The following ITFG2 variants were observed in gnomAD, a reference collection of about 807,000 sequenced individuals.
ITFG2 encodes the protein KICSTOR complex protein ITFG2.
ITFG2 carries 36 observed loss-of-function variants against 54.4 expected under a neutral mutation model. That is an observed-to-expected ratio of 0.66 (90% CI 0.51 to 0.87). ITFG2 has a LOEUF of 0.87. ITFG2 is among the 40% of genes least tolerant of loss of function. The pLI, the probability that ITFG2 is intolerant of heterozygous loss-of-function variation, is 0.00. For synonymous variants in ITFG2, 211 were observed against 225.4 expected, an observed-to-expected ratio of 0.94 and a Z score of 0.57; for missense variants, 524 against 576.7, an observed-to-expected ratio of 0.91 and a Z score of 0.94.
chr12:2,822,013 T>C (rs1040234008), intron 9 of ITFG2, among the ~76,000 whole-genome samples: 2 of 151,692 alleles, frequency 1.3e-5, no homozygotes, highest in African/African-American at 4.8e-5. Flanking sequence ...ACTGCAACCT[T>C]TTCTGCTAGA....
Position 2,854,795 on chromosome 12 carries a change from G to C in ITFG2, n.301-3217G>C, listed in dbSNP as rs940629208. 3 of 1,234,378 alleles carry C rather than the reference G, an allele frequency of 2.4e-6. No individual in the cohort carries two copies. The Admixed American group carries it at 8.2e-5, about 34-fold the overall frequency. 76.5% of individuals were successfully genotyped at this position (1,234,378 alleles called of 1,614,324 possible). A position where few individuals can be genotyped will look rare whatever the true frequency, so the allele number is the denominator to read the frequency against. On this transcript the variant is annotated intron_variant and non_coding_transcript_variant, in intron 2 of 3. Transcript: ENST00000537710. ...AGTTTGGTTTTCAGATGGCCAGAGC[G>C]GGGAAGGACAGAGTCCCGGTTAGAA...
chr12:2,859,524 T>G, intron 3 of ITFG2: 1 of 1,614,022 alleles, frequency 6.2e-7, no homozygotes, highest in Non-Finnish European at 8.5e-7. Context: ...GTGTGGCATT[T>G]CCTCCCCAGG....
At chr12:2,856,578 G>T (rs1260677651) in intron 2 of ITFG2, among the ~76,000 whole-genome samples, 8 of 152,194 alleles carry the variant, frequency 5.3e-5, no homozygotes, top group Non-Finnish European at 1.2e-4. Flanking sequence ...GGCCAAGCTG[G>T]TCTCAAACTC....
chr12:2,853,861 G>A (rs2098079136), intron 2 of ITFG2, among the ~76,000 whole-genome samples: 1 of 152,098 alleles, frequency 6.6e-6, no homozygotes, highest in Non-Finnish European at 1.5e-5. Flanking sequence ...CGACTTCTCA[G>A]CCCTGCCTGG....
intron 2 of ITFG2, among the ~76,000 whole-genome samples, chr12:2,843,236 T>A (rs1255690248): frequency 6.6e-6 from 1 of 152,134 alleles, no homozygotes; most frequent in East Asian, 1.9e-4. Flanking sequence ...GCCTGTCAGA[T>A]CTACTGAAGA....
chr12:2,850,184 A>G (rs143349691), intron 2 of ITFG2, among the ~76,000 whole-genome samples: 105 of 152,308 alleles, frequency 6.9e-4, no homozygotes, highest in Non-Finnish European at 1.3e-3. Flanking sequence ...ATTTGAAAAA[A>G]GAGCCCCTAG....
upstream of ITFG2, among the ~76,000 whole-genome samples, chr12:2,834,017 C>T (rs908474946): frequency 6.6e-6 from 1 of 152,218 alleles, no homozygotes; most frequent in African/African-American, 2.4e-5. Context: ...CACATCCTCA[C>T]TGTTACTCCC....
intron 3 of ITFG2, chr12:2,859,420 C>A: frequency 2.5e-6 from 4 of 1,614,024 alleles, no homozygotes; most frequent in Non-Finnish European, 3.4e-6. Context: ...TGGGACGAAT[C>A]CTCCCAGGAG....
chr12:2,857,752 C>T (rs1208150889), intron 2 of ITFG2: 2 of 152,452 alleles, frequency 1.3e-5, no homozygotes, highest in African/African-American at 4.8e-5. Context: ...TCAGCTGGGG[C>T]CTAGGGTGGC....
upstream of ITFG2, chr12:2,834,937 CA>C: frequency 6.2e-7 from 1 of 1,609,226 alleles, no homozygotes; most frequent in Non-Finnish European, 8.5e-7. Flanking sequence ...GCTCTCTTTC[CA>C]ACAGGAGGGT....
At chr12:2,849,952 T>G (rs2098064782) in intron 2 of ITFG2, among the ~76,000 whole-genome samples, 1 of 152,182 alleles carries the variant, frequency 6.6e-6, no homozygotes, top group African/African-American at 2.4e-5. Context: ...AAACAGACTT[T>G]TGTTTCTTTT....
chr12:2,853,336 C>T (rs530976593), intron 2 of ITFG2, among the ~76,000 whole-genome samples: 3 of 152,030 alleles, frequency 2.0e-5, no homozygotes, highest in East Asian at 1.9e-4. Context: ...AGTGCAGTGG[C>T]GTGTTGGCTC....
intron 2 of ITFG2, among the ~76,000 whole-genome samples, chr12:2,843,398 T>C (rs994403382): frequency 2.0e-5 from 3 of 152,212 alleles, no homozygotes; most frequent in African/African-American, 7.2e-5. Flanking sequence ...TTTCTGACGC[T>C]AGGATTATTT....
At chr12:2,836,782 A>G (rs2153926755), upstream of ITFG2, 1 of 152,324 alleles carries the variant, frequency 6.6e-6, no homozygotes, top group African/African-American at 2.4e-5. Flanking sequence ...ACATGGGGAG[A>G]ACGCCACGTG....
rs968477435 is a variant in ITFG2, at chr12:2,845,200, T to C, written n.300+4205T>C. Reference sequence around the variant, plus strand: ...GGGCTCCCAGCAAGTGAGGCAGCGATGAGTTGGAATGAAGGCTGGAGGGTC... The same window carrying C: ...GGGCTCCCAGCAAGTGAGGCAGCGACGAGTTGGAATGAAGGCTGGAGGGTC... On this transcript the variant is annotated intron_variant and non_coding_transcript_variant, in intron 2 of 3. Coordinates refer to the ITFG2 transcript ENST00000537710. This position sits in a 1 kb window ranked among gnomAD's most constrained non-coding sequence, Gnocchi z 4.2. Among the ~76,000 whole-genome samples, 3 of 152,032 alleles carry C rather than the reference T, an allele frequency of 2.0e-5. No individual in the cohort carries two copies. The highest frequency in any genetic ancestry group is 7.2e-5 in the African/African-American group (3 of 41,400).
downstream of ITFG2, chr12:2,827,974 C>G (rs1482170300): frequency 5.0e-6 from 8 of 1,614,130 alleles, no homozygotes; most frequent in Non-Finnish European, 6.8e-6. The surrounding 1 kb of genome is among the most constrained non-coding windows in gnomAD (Gnocchi z 4.0). Context: ...AGCTGTAGCT[C>G]CAACTGCTCC....
At chr12:2,820,460 G>C (rs1430633036) in intron 5 of ITFG2, among the ~76,000 whole-genome samples, 1 of 152,146 alleles carries the variant, frequency 6.6e-6, no homozygotes, top group Non-Finnish European at 1.5e-5. Context: ...TAGGTGTGGA[G>C]TGGGCCGCAT....
At position 2,816,311 on chromosome 12, in the gene ITFG2, G is replaced by A. The variant is rs372079397; in HGVS notation, c.97-912G>A. 2.0e-3 allele frequency among the ~76,000 whole-genome samples: 299 copies of A among 148,376 alleles called. 1 individual carries two copies. The highest frequency in any genetic ancestry group is 7.0e-3 in the African/African-American group (282 of 40,070). On this transcript the variant is annotated intron_variant, in intron 1 of 11. Transcript: ENST00000228799. Reference sequence around the variant, plus strand: ...CTCCCAAAGTGCTGGGATTATCGGCGTGAGTCACCGCACACAGCCTTTTTT... The same window carrying A: ...CTCCCAAAGTGCTGGGATTATCGGCATGAGTCACCGCACACAGCCTTTTTT...
chr12:2,824,401 G>T lies in ITFG2; in HGVS notation c.*208G>T. Reference sequence around the variant, plus strand: ...GAAAGAAGAGACAAGTTGACCCTCTGCCCATTTCCTTATGGACCTCACCCA... The same window carrying T: ...GAAAGAAGAGACAAGTTGACCCTCTTCCCATTTCCTTATGGACCTCACCCA... On this transcript the variant is annotated 3_prime_UTR_variant, in exon 12 of 12. Transcript: ENST00000228799. 1 of 647,906 alleles carries T rather than the reference G, an allele frequency of 1.5e-6. No individual in the cohort carries two copies. Among genetic ancestry groups the T allele is most frequent in the Non-Finnish European group, 2.8e-6 (1 of 354,934 alleles). The allele number at this position is 647,906 out of a possible 1,614,324, so 40.1% of individuals were successfully genotyped here.
Sources: gnomAD v4.1 joint callset for allele counts (sites outside exome capture counted in the v4.1 genomes callset) on GRCh38, gnomAD v4.1.1 for gene constraint, Gnocchi (gnomAD v3.1) non-coding constraint, MANE v1.5 for transcripts, NCBI Gene and HGNC (gene_info 2026-07-23, HGNC 2026-07-21) for gene names.